PAPPA: variants seen among roughly 807,000 people sequenced by gnomAD.
PAPPA encodes pappalysin-1.
A neutral mutation model predicts 164.0 loss-of-function variants in PAPPA; 60 were observed. That is an observed-to-expected ratio of 0.37 (90% CI 0.30 to 0.45). The LOEUF (loss-of-function observed/expected upper bound fraction) is 0.45. PAPPA is among the 20% of genes least tolerant of loss of function. PAPPA has a pLI of 1.00. For missense variants in PAPPA, 1,782 were observed against 2,087.3 expected (o/e 0.85, Z 2.85); for synonymous variants, 875 against 814.1 (o/e 1.07, Z -1.27).
intron 10 of PAPPA, among the ~76,000 whole-genome samples, chr9:116,313,129 C>G (rs938310831): frequency 2.0e-5 from 3 of 151,284 alleles, no homozygotes; most frequent in African/African-American, 7.3e-5. Flanking sequence ...TTTCTTAAAC[C>G]CTGATTAATT....
intron 1 of PAPPA, among the ~76,000 whole-genome samples, chr9:116,178,449 G>A (rs1228583618): frequency 6.6e-6 from 1 of 152,182 alleles, no homozygotes; most frequent in South Asian, 2.1e-4. Flanking sequence ...AAAAAGTGTA[G>A]CTACAACAAT....
intron 1 of PAPPA, among the ~76,000 whole-genome samples, chr9:116,171,131 A>T (rs953516496): frequency 1.3e-5 from 2 of 152,090 alleles, no homozygotes; most frequent in African/African-American, 4.8e-5. Flanking sequence ...AAACAATAGG[A>T]AGTTTGAAAT....
In PAPPA at chr9:116,187,427, C is replaced by T; in HGVS notation, c.689C>T (p.Pro230Leu). Residue 230 changes from proline to leucine, a missense_variant, in exon 2 of 22, where the codon CCA (proline) becomes CTA (leucine). Pro to Leu is a moderately conservative substitution (Grantham distance 98). Transcript: ENST00000328252. The surrounding 1 kb of genome is among the most constrained non-coding windows in gnomAD (Gnocchi z 4.2). The part of the protein sequence containing the change: ...SGEQVGGIFS[P>L]LTQKCKVLML... ...GAACAAGTGGGTGGCATATTCAGCC[C>T]ACTGACCCAGAAGTGCAAAGTGCTC... The T allele has an allele frequency of 6.2e-7, 1 of 1,614,114 alleles. No homozygotes were observed. Among genetic ancestry groups the T allele is most frequent in the Non-Finnish European group, 8.5e-7 (1 of 1,180,038 alleles).
rs1846170788 is a variant in PAPPA, at chr9:116,343,851, C to T, written c.3612-692C>T. ...TCTCAGCTCACTGCAACCTCCACCTCCCAGGTTCAAGCTATTCTCCTGCCT... is the reference window on the plus strand; with the variant it reads ...TCTCAGCTCACTGCAACCTCCACCTTCCAGGTTCAAGCTATTCTCCTGCCT... On this transcript the variant is annotated intron_variant, in intron 13 of 21. Coordinates refer to ENST00000328252, the MANE Select transcript of PAPPA (RefSeq NM_002581.5). Among the ~76,000 whole-genome samples the T allele has an allele frequency of 2.0e-5, 3 of 152,176 alleles. No individual in the cohort carries two copies. The South Asian group carries it at 6.2e-4, about 32-fold the overall frequency.
intron 11 of PAPPA, 99 bp downstream of exon 11, chr9:116,331,456 A>G (rs1588007141): frequency 1.4e-6 from 1 of 740,200 alleles, no homozygotes; most frequent in African/African-American, 1.7e-5. Context: ...CTACCTGCTG[A>G]GGGTGTTAAT....
rs1347970996 is a variant in PAPPA at position 116,302,846 on chromosome 9, A to G, written c.3043A>G (p.Thr1015Ala). Residue 1015 changes from threonine (T) to alanine (A), a missense_variant, in exon 10 of 22, where the codon ACG becomes GCG. Thr to Ala is a moderately conservative substitution (Grantham distance 58, BLOSUM62 0). Around this residue, in one of 2 missense-constraint regions of PAPPA, gnomAD observed 1,324 missense variants for 1,656.9 expected, o/e 0.80. Transcript: ENST00000328252. ...CAGCATTAAGGACTGTGGTGTCTAC[A>G]CGCCCCAGGGATTCCTGGATCAGTG... is the stretch of plus-strand genomic sequence containing the variant. ...KTSIKDCGVY[T>A]PQGFLDQWAS... is the part of the protein sequence containing the mutation. 3 of 1,614,068 alleles carry G rather than the reference A, an allele frequency of 1.9e-6. No homozygotes were observed. In the South Asian group the frequency reaches 3.3e-5, roughly 18 times the overall value.
intron 19 of PAPPA, among the ~76,000 whole-genome samples, chr9:116,368,545 G>T (rs762751928): frequency 4.6e-5 from 7 of 152,204 alleles, no homozygotes; most frequent in Non-Finnish European, 1.0e-4. Flanking sequence ...TGACTTCAAG[G>T]TTGGCTGTTC....
At chr9:116,339,952 T>C (rs1846112636) in intron 13 of PAPPA, among the ~76,000 whole-genome samples, 1 of 152,182 alleles carries the variant, frequency 6.6e-6, no homozygotes, top group Non-Finnish European at 1.5e-5. Context: ...AAGGTAAATA[T>C]ATTAAACATA....
chr9:116,284,645 G>A (rs963840265), intron 9 of PAPPA, among the ~76,000 whole-genome samples: 1 of 136,684 alleles, frequency 7.3e-6, no homozygotes, highest in Non-Finnish European at 1.5e-5. Context: ...CTTACACAAA[G>A]CTTGCCATCT....
intron 18 of PAPPA, among the ~76,000 whole-genome samples, chr9:116,363,292 G>A (rs1187670210): frequency 6.6e-6 from 1 of 152,172 alleles, no homozygotes; most frequent in Non-Finnish European, 1.5e-5. Flanking sequence ...ATCAAAACTT[G>A]AGGGGATAAT....
chr9:116,371,610 T>C (rs1846575382), intron 19 of PAPPA, among the ~76,000 whole-genome samples: 1 of 152,160 alleles, frequency 6.6e-6, no homozygotes, highest in Non-Finnish European at 1.5e-5. Flanking sequence ...ATTTTTTATT[T>C]TTATTTTTTT....
intron 17 of PAPPA, among the ~76,000 whole-genome samples, chr9:116,354,028 A>G (rs1444685076): frequency 1.3e-5 from 2 of 152,124 alleles, no homozygotes; most frequent in Non-Finnish European, 2.9e-5. Context: ...GAAGTTGATA[A>G]AAGTTAAGTT....
At chr9:116,219,341 T>A (rs1266209808) in intron 4 of PAPPA, among the ~76,000 whole-genome samples, 3 of 152,266 alleles carry the variant, frequency 2.0e-5, no homozygotes, top group Non-Finnish European at 2.9e-5. Context: ...TAAAGTTTCA[T>A]CTTTCCATGC....
In PAPPA at chr9:116,271,237, G is replaced by A. The variant is rs542639993; in HGVS notation, c.2862-88G>A. On this transcript the variant is annotated intron_variant, in intron 8 of 21. Coordinates refer to ENST00000328252, the MANE Select transcript of PAPPA (RefSeq NM_002581.5). This position sits in a 1 kb window ranked among gnomAD's most constrained non-coding sequence, Gnocchi z 4.2. ...GGGATTTGTGCAAGGTCTCACTGAAGGTTCATGGCCCAGGGAGGGACTTTT... is the reference window on the plus strand; with the variant it reads ...GGGATTTGTGCAAGGTCTCACTGAAAGTTCATGGCCCAGGGAGGGACTTTT... 98 of 823,182 alleles carry A rather than the reference G, an allele frequency of 1.2e-4. No individual in the cohort carries two copies. The African/African-American group carries it at 1.4e-3, about 12-fold the overall frequency. 51.0% of individuals were successfully genotyped at this position (823,182 alleles called of 1,614,324 possible).
At chr9:116,308,189 G>A (rs559232856) in intron 10 of PAPPA, among the ~76,000 whole-genome samples, 2 of 152,320 alleles carry the variant, frequency 1.3e-5, no homozygotes, top group Non-Finnish European at 2.9e-5. Context: ...CCTTCATAAA[G>A]CTTACCATGT....
intron 6 of PAPPA, among the ~76,000 whole-genome samples, chr9:116,228,961 G>A (rs886437680): frequency 6.6e-6 from 1 of 152,106 alleles, no homozygotes; most frequent in Non-Finnish European, 1.5e-5. Context: ...TCTCACTAGT[G>A]ACCAACACAG....
rs551168595 is a variant in PAPPA at position 116,154,101 on chromosome 9, C to T, written c.-72C>T. ...TGAAGAAGCGAAGAAAGTCGAGGCGCCGAGGCTCCCAAAGCTGGCAGCTCC... is the reference window on the plus strand; with the variant it reads ...TGAAGAAGCGAAGAAAGTCGAGGCGTCGAGGCTCCCAAAGCTGGCAGCTCC... On this transcript the variant is annotated 5_prime_UTR_variant, in exon 1 of 22. Transcript: ENST00000328252. The surrounding 1 kb of genome is among the most constrained non-coding windows in gnomAD (Gnocchi z 5.2). The T allele has an allele frequency of 2.8e-5, 34 of 1,229,638 alleles. No individual in the cohort carries two copies. The highest frequency in any genetic ancestry group is 8.2e-5 in the African/African-American group (5 of 61,140). 76.2% of individuals were successfully genotyped at this position (1,229,638 alleles called of 1,614,324 possible).
chr9:116,216,305 T>C (rs1472748598), intron 4 of PAPPA, among the ~76,000 whole-genome samples: 1 of 152,190 alleles, frequency 6.6e-6, no homozygotes, highest in Non-Finnish European at 1.5e-5. Context: ...GTCAGCATTG[T>C]GTCCAAAGTC....
At chr9:116,352,194 C>T (rs1159195187) in intron 15 of PAPPA, among the ~76,000 whole-genome samples, 1 of 152,128 alleles carries the variant, frequency 6.6e-6, no homozygotes, top group Admixed American at 6.5e-5. Context: ...GCTGTCACTT[C>T]CAGGCATTGG....
Sources: gnomAD v4.1 joint callset for allele counts (sites outside exome capture counted in the v4.1 genomes callset) on GRCh38, gnomAD v4.1.1 for gene constraint, gnomAD v4.1.1 regional missense constraint, Gnocchi (gnomAD v3.1) non-coding constraint, MANE v1.5 for transcripts, NCBI Gene and HGNC (gene_info 2026-07-23, HGNC 2026-07-21) for gene names.